Variants in CABP2 observed in about 807,000 individuals in gnomAD.
CABP2 encodes calcium-binding protein 2.
CABP2 carries 25 observed loss-of-function variants against 28.6 expected under a neutral mutation model. The observed-to-expected ratio is 0.87, with a 90% CI of 0.64 to 1.22. The LOEUF is 1.22. Among genes scored for constraint, CABP2 ranks in the 50% most tolerant of loss-of-function variants. CABP2 has a pLI of 0.00. For synonymous variants in CABP2, 138 were observed against 126.0 expected (o/e 1.09, Z -0.64); for missense variants, 310 against 312.2 (o/e 0.99, Z 0.05).
In CABP2 at chr11:67,521,970, G is replaced by A. The variant is rs765901779; in HGVS notation, c.226C>T (p.Arg76Trp). The A allele has an allele frequency of 4.2e-5, 66 of 1,584,810 alleles. No homozygotes were observed. The highest frequency in any genetic ancestry group is 4.9e-5 in the Non-Finnish European group (57 of 1,162,846). Reference sequence around the variant, plus strand: ...CCTTTACCTTCAATCTCCTCGGGCCGCAGCTCCCGGTCCTGAAGGGCACAG... The same window carrying A: ...CCTTTACCTTCAATCTCCTCGGGCCACAGCTCCCGGTCCTGAAGGGCACAG... ...IAATQLDREL[R>W]PEEIEELQVA... The change falls in exon 3 of 7, where the codon CGG (arginine) becomes TGG (tryptophan). Residue 76 changes from arginine to tryptophan, a missense_variant. Arg to Trp is a moderately radical substitution (Grantham distance 101, BLOSUM62 -3). Transcript: ENST00000294288.
intron 1 of CABP2, 124 bp downstream of exon 1, chr11:67,523,161 C>A: frequency 2.7e-6 from 2 of 735,310 alleles, no homozygotes; most frequent in South Asian, 1.9e-5. Flanking sequence ...GGAAAAAAAT[C>A]TCCACCTGGG....
chr11:67,521,840 C>T, intron 3 of CABP2, 112 bp downstream of exon 3: 2 of 984,964 alleles, frequency 2.0e-6, no homozygotes, highest in East Asian at 2.6e-5. Flanking sequence ...CTCCCACTTC[C>T]TCCTGGAAAC....
In CABP2 at chr11:67,520,132, GAAGTCTTC is replaced by G. The variant is rs1866725877; in HGVS notation, c.400_407del (p.Glu134ArgfsTer?). 1 of 1,613,790 alleles carries G rather than the reference GAAGTCTTC, an allele frequency of 6.2e-7. No homozygotes were observed. Among genetic ancestry groups the G allele is most frequent in the African/African-American group, 1.3e-5 (1 of 74,908 alleles). ...GCAGCTTGGGGCCCATCAGCTCCAC[GAAGTCTTC>G]AAAGTCCACCTTTCCGCCACCTGGG... On this transcript the variant is annotated frameshift_variant, in exon 5 of 7. Transcript: ENST00000294288. LOFTEE classifies it high-confidence loss of function.
Position 67,519,922 on chromosome 11 carries a change from C to T in CABP2, c.508G>A (p.Gly170Ser). Residue 170 changes from glycine (G) to serine (S), a missense_variant, in exon 6 of 7, where the codon GGC becomes AGC. Physicochemically the swap from Gly to Ser is moderately conservative, Grantham distance 56. Transcript: ENST00000294288. ...AFREFDTNGD[G>S]RISVGELRAA... ...CGGAGCTCGCCCACGCTGATGCGGC[C>T]GTCCCCATTGGTGTCGAACTGTGGC... 29 of 1,609,682 alleles carry T rather than the reference C, an allele frequency of 1.8e-5. No individual in the cohort carries two copies. Among genetic ancestry groups the T allele is most frequent in the Non-Finnish European group, 2.3e-5 (27 of 1,179,488 alleles).
In CABP2 at chr11:67,521,060, G is replaced by T. The variant is rs958822171; in HGVS notation, c.344C>A (p.Thr115Asn). 8 of 1,613,998 alleles carry T rather than the reference G, an allele frequency of 5.0e-6. No individual in the cohort carries two copies. Among genetic ancestry groups the T allele is most frequent in the Non-Finnish European group, 6.8e-6 (8 of 1,179,976 alleles). The change falls in exon 4 of 7, where the codon ACC (threonine) becomes AAC (asparagine). Residue 115 changes from threonine to asparagine, a missense_variant. Physicochemically the swap from Thr to Asn is moderately conservative, Grantham distance 65. Transcript: ENST00000294288. ...TGAGATCTCGATGAGCTCCATCTCG[G>T]TGGGCATGTAGCCCAGGGTCCGCAT... ...ACMRTLGYMP[T>N]EMELIEISQQ... is the part of the protein sequence containing the mutation.
chr11:67,519,281 T>C, intron 6 of CABP2, 117 bp from the exon 7 acceptor site: 1 of 958,098 alleles, frequency 1.0e-6, no homozygotes, highest in Non-Finnish European at 1.7e-6. Flanking sequence ...TTCAAGGGCA[T>C]CCTCTGGATC....
chr11:67,519,712 C>T, intron 6 of CABP2, 81 bp downstream of exon 6: 2 of 1,398,098 alleles, frequency 1.4e-6, no homozygotes, highest in South Asian at 1.2e-5. Context: ...GGTCTGGTGC[C>T]CAGTGGTGAC....
At position 67,522,633 on chromosome 11, in the gene CABP2, C is replaced by T. The variant is rs573251149; in HGVS notation, c.126G>A (p.Ala42=). 43 of 1,547,802 alleles carry T rather than the reference C, an allele frequency of 2.8e-5. No homozygotes were observed. The highest frequency in any genetic ancestry group is 1.8e-4 in the Middle Eastern group (1 of 5,554). The change falls in exon 2 of 7, where the codon GCG becomes GCA. Residue 42 remains alanine, a synonymous_variant. Transcript: ENST00000294288. ...GCACCGAGTAGCCCTGGACGCCTGG[C>T]GCGGGGTCCCCCTGCTCCTTGGGGC... The part of the protein sequence containing the change: ...SSSPKEQGDP[A]PGVQGYSVLN...
chr11:67,521,544 C>G (rs971431460), intron 3 of CABP2, among the ~76,000 whole-genome samples: 5 of 152,216 alleles, frequency 3.3e-5, no homozygotes, highest in Non-Finnish European at 4.4e-5. Flanking sequence ...TTGTCCCTTT[C>G]CTGGAGAGCA....
intron 6 of CABP2, 65 bp downstream of exon 6, chr11:67,519,728 C>T (rs1309203122): frequency 2.0e-6 from 3 of 1,537,958 alleles, no homozygotes; most frequent in African/African-American, 2.7e-5. Flanking sequence ...GTGACTCTTG[C>T]TGTGCGGTTT....
In CABP2 at chr11:67,523,382, C is replaced by T. The variant is rs771474385; in HGVS notation, c.-56G>A. 115 of 1,475,536 alleles carry T rather than the reference C, an allele frequency of 7.8e-5. 1 individual carries two copies. In the Middle Eastern group the frequency reaches 2.1e-3, roughly 27 times the overall value. The allele number at this position is 1,475,536 out of a possible 1,614,324, so 91.4% of individuals were successfully genotyped here. Reference sequence around the variant, plus strand: ...CGGGGGTGGCCCGGGTGGGCCTCGGCGGATGCTGCTGCCTGAGGACTCCTG... The same window carrying T: ...CGGGGGTGGCCCGGGTGGGCCTCGGTGGATGCTGCTGCCTGAGGACTCCTG... On this transcript the variant is annotated 5_prime_UTR_variant, in exon 1 of 7. Coordinates refer to ENST00000294288, the MANE Select transcript of CABP2 (RefSeq NM_016366.3).
At chr11:67,522,436 G>T (rs1866760092) in intron 2 of CABP2, 110 bp downstream of exon 2, 5 of 1,166,256 alleles carry the variant, frequency 4.3e-6, no homozygotes, top group African/African-American at 1.5e-5. Context: ...TCCAGGAGAG[G>T]CAAAGCGAGG....
Position 67,522,704 on chromosome 11 carries a change from A to G in CABP2, c.55T>C (p.Trp19Arg). The part of the protein sequence containing the change: ...WRRGPKDPLQ[W>R]LGSPPRGSCP... ...GAGCCCCTTGGTGGGGAGCCGAGCC[A>G]CTGCAAGGGGTCCTGCAGCAGAGCC... The change falls in exon 2 of 7, where the codon TGG becomes CGG. Residue 19 changes from tryptophan (W) to arginine (R), a missense_variant. Transcript: ENST00000294288. 6.6e-7 allele frequency: 1 copy of G among 1,503,892 alleles called. No homozygotes were observed. Among genetic ancestry groups the G allele is most frequent in the Non-Finnish European group, 8.9e-7 (1 of 1,122,148 alleles). The allele number at this position is 1,503,892 out of a possible 1,614,324, so 93.2% of individuals were successfully genotyped here. A position where few individuals can be genotyped will look rare whatever the true frequency, so the allele number is the denominator to read the frequency against.
intron 2 of CABP2, 89 bp downstream of exon 2, chr11:67,522,457 G>T (rs1866760411): frequency 1.5e-6 from 2 of 1,364,084 alleles, no homozygotes; most frequent in African/African-American, 1.4e-5. Context: ...GGCAAGGGTA[G>T]GTGGGCTGGA....
At chr11:67,521,924 G>C (rs1214415851) in intron 3 of CABP2, 28 bp downstream of exon 3, 29 of 1,568,050 alleles carry the variant, frequency 1.8e-5, no homozygotes, top group Non-Finnish European at 2.4e-5. Flanking sequence ...TCCCCTTCAG[G>C]GAACCAGTTC....
At chr11:67,522,040 T>C (rs1381655828) in intron 2 of CABP2, 58 bp from the exon 3 acceptor site, 2 of 1,533,680 alleles carry the variant, frequency 1.3e-6, no homozygotes, top group Admixed American at 3.5e-5. Flanking sequence ...GTGCCCTTCC[T>C]TCTTGCTTCC....
chr11:67,519,802 C>T lies in CABP2; in HGVS notation c.628G>A (p.Asp210Asn), dbSNP rs2134359534. 6.2e-7 allele frequency: 1 copy of T among 1,613,916 alleles called. No homozygotes were observed. The highest frequency in any genetic ancestry group is 8.5e-7 in the Non-Finnish European group (1 of 1,179,868). Reference sequence around the variant, plus strand: ...GTGCGGCAGGGGGTACCTTCGAAGTCGACCAGACCGTCCCCATTGAGGTCC... The same window carrying T: ...GTGCGGCAGGGGGTACCTTCGAAGTTGACCAGACCGTCCCCATTGAGGTCC... Reference protein sequence around the residue: ...DVDLNGDGLVDFEEFVRMMSR With the variant: ...DVDLNGDGLVNFEEFVRMMSR The change falls in exon 6 of 7, where the codon GAC (aspartate) becomes AAC (asparagine). Residue 210 changes from aspartate to asparagine, a missense_variant. By Grantham distance (23) the Asp-to-Asn change is conservative. Coordinates refer to ENST00000294288, the MANE Select transcript of CABP2 (RefSeq NM_016366.3).
Position 67,519,174 on chromosome 11 carries a change from C to A in CABP2, c.638-10G>T. 1 of 1,613,796 alleles carries A rather than the reference C, an allele frequency of 6.2e-7. No homozygotes were observed. Among genetic ancestry groups the A allele is most frequent in the Non-Finnish European group, 8.5e-7 (1 of 1,179,980 alleles). ...ATCATTCGCACAAACTCTGCCAGGA[C>A]GAAGCCAAGGTTTTGGGTCTGTTCT... On this transcript the variant is annotated splice_polypyrimidine_tract_variant and intron_variant, in intron 6 of 6. Transcript: ENST00000294288.
chr11:67,522,471 CGAGGGGCAAGGGCAGGTGAGCTGGTGGGA>C (rs1336798219), intron 2 of CABP2, 46 bp downstream of exon 2: 2 of 1,483,652 alleles, frequency 1.3e-6, no homozygotes, highest in African/African-American at 1.4e-5. Flanking sequence ...GGCTGGAGTG[CGAGGGGCAAGGGCAGGTGAGCTGGTGGGA>C]GAGGGGCAAG....
Sources: allele counts gnomAD v4.1 joint callset (sites outside exome capture counted in the v4.1 genomes callset), GRCh38; gene constraint gnomAD v4.1.1; transcripts MANE v1.5; gene names NCBI Gene and HGNC (gene_info 2026-07-23, HGNC 2026-07-21).